DNAH17: variants seen among roughly 807,000 people sequenced by gnomAD.
DNAH17 encodes the protein axonemal beta dynein heavy chain 17.
Under a neutral mutation model 485.6 loss-of-function variants are expected in DNAH17, and 376 were observed. The ratio of observed to expected loss-of-function variants is 0.77; its 90% CI spans 0.71 to 0.84. DNAH17 has a LOEUF of 0.84. Among genes scored for constraint, DNAH17 ranks in the 40% least tolerant of loss-of-function variants. The pLI is 0.00. For missense variants in DNAH17, 6,370 were observed against 5,839.3 expected (o/e 1.09, Z -2.96); for synonymous variants, 3,031 against 2,405.9 (o/e 1.26, Z -7.60).
At position 78,572,926 on chromosome 17, in the gene DNAH17, C is replaced by T. The variant is rs768869819; in HGVS notation, c.346-32G>A. On this transcript the variant is annotated intron_variant, in intron 2 of 80. Transcript: ENST00000389840. The stretch of plus-strand genomic sequence containing the variant: ...GGAAACACTTCTGTGGTTCCGCCCC[C>T]TGTGCCTTCACCAGCTCGGCAACCG... 8.8e-6 allele frequency: 14 copies of T among 1,596,196 alleles called. No individual in the cohort carries two copies. The East Asian group carries it at 2.7e-4, about 31-fold the overall frequency.
intron 54 of DNAH17, among the ~76,000 whole-genome samples, chr17:78,469,593 G>T (rs2088651010): frequency 6.6e-6 from 1 of 152,172 alleles, no homozygotes; most frequent in Non-Finnish European, 1.5e-5. Context: ...CTAAGGAAAA[G>T]AATAAAAGAA....
At chr17:78,565,705 G>C (rs570466200) in intron 11 of DNAH17, among the ~76,000 whole-genome samples, 3 of 152,196 alleles carry the variant, frequency 2.0e-5, no homozygotes, top group Non-Finnish European at 4.4e-5. Flanking sequence ...TGTAATCCCA[G>C]CACTTTGGGA....
chr17:78,554,472 G>T (rs1371151533), intron 14 of DNAH17, among the ~76,000 whole-genome samples: 1 of 47,140 alleles, frequency 2.1e-5, no homozygotes, highest in African/African-American at 7.0e-5. Flanking sequence ...AAAAAAAAAA[G>T]GATAGGTTCT....
rs746828092 is a variant in DNAH17 at position 78,502,892 on chromosome 17, TG to T, written c.5075del (p.Pro1692GlnfsTer6). Reference protein sequence around the residue: ...KPREQWILDYPAQVALTCTQI... With the variant: ...KPREQWILDYXAQVALTCTQI... ...GCCCCCACCCGCCTCAGACCTGGGC[TG>T]GGTAGTCCAGGATCCACTGCTCCCT... is the stretch of plus-strand genomic sequence containing the variant. On this transcript the variant is annotated frameshift_variant, in exon 32 of 81. Coordinates refer to ENST00000389840, the MANE Select transcript of DNAH17 (RefSeq NM_173628.4). LOFTEE classifies it high-confidence loss of function. 2 of 1,613,698 alleles carry T rather than the reference TG, an allele frequency of 1.2e-6. No individual in the cohort carries two copies. Among genetic ancestry groups the T allele is most frequent in the Admixed American group, 3.3e-5 (2 of 59,958 alleles).
chr17:78,553,712 T>A (rs943565292), intron 14 of DNAH17, among the ~76,000 whole-genome samples: 4 of 152,240 alleles, frequency 2.6e-5, no homozygotes, highest in Non-Finnish European at 5.9e-5. Context: ...TTATGTACGG[T>A]TACTGTTTTA....
intron 51 of DNAH17, among the ~76,000 whole-genome samples, chr17:78,478,687 AATT>A (rs1230775692): frequency 1.6e-5 from 2 of 124,304 alleles, no homozygotes; most frequent in Non-Finnish European, 3.3e-5. Flanking sequence ...CCATCATCAC[AATT>A]ATTACCATCA....
intron 15 of DNAH17, among the ~76,000 whole-genome samples, 183 bp from the exon 16 acceptor site, chr17:78,551,821 G>T (rs2091908496): frequency 6.6e-6 from 1 of 152,006 alleles, no homozygotes; most frequent in Admixed American, 6.6e-5. Flanking sequence ...AAATTAGCTG[G>T]GCATAGCAGT....
chr17:78,428,786 G>A (rs2086571150), intron 76 of DNAH17, 79 bp from the exon 77 acceptor site: 5 of 1,527,270 alleles, frequency 3.3e-6, no homozygotes, highest in Middle Eastern at 1.7e-4. Context: ...AGCATTCCTT[G>A]CCAGAACGTT....
chr17:78,574,913 C>G lies in DNAH17; in HGVS notation c.145G>C (p.Val49Leu), dbSNP rs201905620. ...LFTEFFEKPD[V>L]QVLVLTLNAA... ...TTGAGCGTCAGCACCAGCACCTGGA[C>G]GTCGGGCTTTTCAAAGAACTCTGTG... Residue 49 changes from valine to leucine, a missense_variant, in exon 2 of 81, where the codon GTC becomes CTC. Physicochemically the swap from Val to Leu is conservative, Grantham distance 32. Coordinates refer to ENST00000389840, the MANE Select transcript of DNAH17 (RefSeq NM_173628.4). 2.9e-5 allele frequency: 47 copies of G among 1,613,904 alleles called. No homozygotes were observed. Among genetic ancestry groups the G allele is most frequent in the Non-Finnish European group, 3.8e-5 (45 of 1,179,906 alleles).
intron 19 of DNAH17, among the ~76,000 whole-genome samples, chr17:78,537,071 G>A (rs942407398): frequency 3.3e-5 from 5 of 151,486 alleles, no homozygotes; most frequent in Admixed American, 6.6e-5. Context: ...CCAGCTACTC[G>A]GGACGCTGAG....
At position 78,551,651 on chromosome 17, in the gene DNAH17, T is replaced by C. The variant is rs377519764; in HGVS notation, c.2288-13A>G. On this transcript the variant is annotated splice_polypyrimidine_tract_variant and intron_variant, in intron 15 of 80. Transcript: ENST00000389840. ...TACTGAAACACACCTAAAATGGAAA[T>C]GTAGAGGAATCTTACAAAATGAACA... The C allele has an allele frequency of 1.6e-5, 26 of 1,612,920 alleles. No homozygotes were observed. The highest frequency in any genetic ancestry group is 1.1e-4 in the South Asian group (10 of 91,050).
intron 14 of DNAH17, among the ~76,000 whole-genome samples, chr17:78,554,636 C>T (rs2091981792): frequency 6.6e-6 from 1 of 152,086 alleles, no homozygotes; most frequent in African/African-American, 2.4e-5. Context: ...TACCAAGCAA[C>T]ATCTTGTTTC....
rs780824355 is a variant in DNAH17, at chr17:78,454,458, G to A, written c.10406+12C>T. The A allele has an allele frequency of 1.9e-5, 30 of 1,602,970 alleles. No homozygotes were observed. The highest frequency in any genetic ancestry group is 1.7e-4 in the Middle Eastern group (1 of 6,060). ...AGCCGGGCTTCGGCCCAGGTCCTGC[G>A]CCCGCACACACCTCTTCTGTCCCAG... is the stretch of plus-strand genomic sequence containing the variant. On this transcript the variant is annotated intron_variant, in intron 64 of 80. Transcript: ENST00000389840.
rs372435270 is a variant in DNAH17 at position 78,486,506 on chromosome 17, C to A, written c.6819G>T (p.Pro2273=). ...YINPADLGWN[P]VVSSWIERRK... is the part of the protein sequence containing the mutation. Reference sequence around the variant, plus strand: ...GCCTCTCGATCCAGCTGCTCACCACCCTGGGGGTGACAGGAGGCGCCGATG... The same window carrying A: ...GCCTCTCGATCCAGCTGCTCACCACACTGGGGGTGACAGGAGGCGCCGATG... The change falls in exon 45 of 81, where the codon CCG becomes CCT. Residue 2273 remains proline (P), a splice_region_variant and synonymous_variant. Coordinates refer to ENST00000389840, the MANE Select transcript of DNAH17 (RefSeq NM_173628.4). 6.3e-7 allele frequency: 1 copy of A among 1,598,200 alleles called. No homozygotes were observed. Among genetic ancestry groups the A allele is most frequent in the South Asian group, 1.1e-5 (1 of 89,742 alleles).
At chr17:78,454,932 C>T (rs1382578873) in intron 63 of DNAH17, among the ~76,000 whole-genome samples, 3 of 151,754 alleles carry the variant, frequency 2.0e-5, no homozygotes, top group South Asian at 2.1e-4. Context: ...TTTCCCCTGA[C>T]AGAGTCTCAC....
rs140421508 is a variant in DNAH17, at chr17:78,487,083, A to G, written c.6819-577T>C. Among the ~76,000 whole-genome samples, 694 of 151,772 alleles carry G rather than the reference A, an allele frequency of 4.6e-3. 1 individual carries two copies. Among genetic ancestry groups the G allele is most frequent in the African/African-American group, 0.016 (643 of 41,336 alleles). Reference sequence around the variant, plus strand: ...AATCAATACAACCAGCAATCCTTGAAGAGCCGTGCCAGACTGTTGGCCACA... The same window carrying G: ...AATCAATACAACCAGCAATCCTTGAGGAGCCGTGCCAGACTGTTGGCCACA... On this transcript the variant is annotated intron_variant, in intron 44 of 80. Transcript: ENST00000389840.
chr17:78,501,907 G>C, intron 33 of DNAH17, 34 bp from the exon 34 acceptor site: 1 of 1,612,414 alleles, frequency 6.2e-7, no homozygotes, highest in Non-Finnish European at 8.5e-7. Context: ...GAGACACCAC[G>C]GGTGCCCACA....
At chr17:78,560,174 C>T (rs2092121436) in intron 13 of DNAH17, among the ~76,000 whole-genome samples, 1 of 152,178 alleles carries the variant, frequency 6.6e-6, no homozygotes, top group Admixed American at 6.5e-5. Flanking sequence ...GTCTGGATCA[C>T]TAATTTATCC....
chr17:78,502,040 A>T lies in DNAH17; in HGVS notation c.5191-167T>A, dbSNP rs866347388. ...GCCCCAGCCAGGCACTGGTTTCACCAGGGTGCGGCCCTGATGGGACACCTG... is the reference window on the plus strand; with the variant it reads ...GCCCCAGCCAGGCACTGGTTTCACCTGGGTGCGGCCCTGATGGGACACCTG... On this transcript the variant is annotated intron_variant, in intron 33 of 80. Transcript: ENST00000389840. 1.5e-5 allele frequency: 14 copies of T among 949,806 alleles called. No homozygotes were observed. The African/African-American group carries it at 2.0e-4, about 13-fold the overall frequency. 58.8% of individuals were successfully genotyped at this position (949,806 alleles called of 1,614,324 possible).
Sources: allele counts gnomAD v4.1 joint callset (sites outside exome capture counted in the v4.1 genomes callset), GRCh38; gene constraint gnomAD v4.1.1; transcripts MANE v1.5; gene names NCBI Gene and HGNC (gene_info 2026-07-23, HGNC 2026-07-21).